Variants in CREBBP observed in about 807,000 individuals in gnomAD.
The protein encoded by CREBBP is CREB-binding protein.
Under a neutral mutation model 265.0 loss-of-function variants are expected in CREBBP, and 19 were observed. That is an observed-to-expected ratio of 0.07 (90% CI 0.05 to 0.11). CREBBP has a LOEUF of 0.11. Among genes scored for constraint, CREBBP ranks in the 10% least tolerant of loss-of-function variants. The pLI, the probability that CREBBP is intolerant of heterozygous loss-of-function variation, is 1.00. For synonymous variants in CREBBP, 1,457 were observed against 1,223.7 expected (o/e 1.19, Z -3.98); for missense variants, 2,525 against 3,219.0 (o/e 0.78, Z 5.22).
At chr16:3,783,999 T>C (rs555597368) in intron 5 of CREBBP, among the ~76,000 whole-genome samples, 11 of 152,350 alleles carry the variant, frequency 7.2e-5, no homozygotes, top group Admixed American at 6.5e-4. Flanking sequence ...AAATTTATCA[T>C]ATGGCAGAAG....
chr16:3,792,590 G>A (rs924565832), intron 4 of CREBBP, among the ~76,000 whole-genome samples: 1 of 152,160 alleles, frequency 6.6e-6, no homozygotes, highest in African/African-American at 2.4e-5. Context: ...TGGTTATTCC[G>A]TCTTCATCTT....
chr16:3,780,104 T>C (rs1420224465), intron 8 of CREBBP, among the ~76,000 whole-genome samples: 2 of 151,222 alleles, frequency 1.3e-5, no homozygotes, highest in East Asian at 3.9e-4. Flanking sequence ...TAGCTGGGGG[T>C]GGTGGCACGT....
At chr16:3,801,216 T>C (rs772274420) in intron 3 of CREBBP, among the ~76,000 whole-genome samples, 11 of 152,154 alleles carry the variant, frequency 7.2e-5, no homozygotes, top group Non-Finnish European at 1.3e-4. Flanking sequence ...CTGACCACCT[T>C]GCATTATAAA....
At chr16:3,738,157 G>A (rs2052115688) in intron 26 of CREBBP, among the ~76,000 whole-genome samples, 1 of 152,038 alleles carries the variant, frequency 6.6e-6, no homozygotes, top group Admixed American at 6.6e-5. Flanking sequence ...CTGACTTCAG[G>A]TGATCCACCG....
In CREBBP at chr16:3,728,435, C is replaced by T. The variant is rs903906594; in HGVS notation, c.6612G>A (p.Gln2204=). 5 of 1,612,196 alleles carry T rather than the reference C, an allele frequency of 3.1e-6. No homozygotes were observed. Among genetic ancestry groups the T allele is most frequent in the South Asian group, 1.1e-5 (1 of 90,926 alleles). Residue 2204 remains glutamine (Q), a synonymous_variant, in exon 31 of 31, where the codon CAG becomes CAA. Coordinates refer to ENST00000262367, the MANE Select transcript of CREBBP (RefSeq NM_004380.3). This position sits in a 1 kb window ranked among gnomAD's most constrained non-coding sequence, Gnocchi z 8.7. The part of the protein sequence containing the change: ...RRQLLQQQQQ[Q]QQQQQQQQQQ... ...GCTGTTGCTGCTGTTGTTGCTGCTG[C>T]TGTTGCTGCTGCTGCTGCAGCAGCT...
At chr16:3,796,760 T>C (rs1216813254) in intron 3 of CREBBP, among the ~76,000 whole-genome samples, 1 of 152,212 alleles carries the variant, frequency 6.6e-6, no homozygotes, top group South Asian at 2.1e-4. Flanking sequence ...GGAAACTATA[T>C]GGCAAATTTA....
intron 2 of CREBBP, among the ~76,000 whole-genome samples, chr16:3,837,695 G>A (rs1352399286): frequency 2.0e-5 from 3 of 151,384 alleles, no homozygotes; most frequent in African/African-American, 4.8e-5. Context: ...GTACAAATAC[G>A]TTTGTACACC....
chr16:3,787,577 G>A (rs1022513537), intron 5 of CREBBP, among the ~76,000 whole-genome samples: 1 of 151,980 alleles, frequency 6.6e-6, no homozygotes, highest in Non-Finnish European at 1.5e-5. Context: ...TGGGCTATTC[G>A]ATGAGTGGCA....
chr16:3,872,298 C>CA (rs1699167990), intron 1 of CREBBP, among the ~76,000 whole-genome samples: 1 of 152,142 alleles, frequency 6.6e-6, no homozygotes, highest in African/African-American at 2.4e-5. Flanking sequence ...CAGCCTTGCC[C>CA]AATTTGATTT....
Position 3,850,293 on chromosome 16 carries a change from T to G in CREBBP, c.798+4A>C. On this transcript the variant is annotated splice_donor_region_variant and intron_variant, in intron 2 of 30. Coordinates refer to ENST00000262367, the MANE Select transcript of CREBBP (RefSeq NM_004380.3). ...AAGTATTGAAAGTGCTTCAGTTCAC[T>G]TACCTTGGCCATGCCTCCTGCCTGT... 6.2e-7 allele frequency: 1 copy of G among 1,614,216 alleles called. No individual in the cohort carries two copies. Among genetic ancestry groups the G allele is most frequent in the Non-Finnish European group, 8.5e-7 (1 of 1,180,024 alleles).
rs115884862 is a variant in CREBBP, at chr16:3,797,660, T to C, written c.976-4034A>G. 9.3e-3 allele frequency among the ~76,000 whole-genome samples: 1,412 copies of C among 152,158 alleles called. 27 individuals are homozygous for C. Among genetic ancestry groups the C allele is most frequent in the African/African-American group, 0.032 (1,344 of 41,476 alleles). On this transcript the variant is annotated intron_variant, in intron 3 of 30. Coordinates refer to ENST00000262367, the MANE Select transcript of CREBBP (RefSeq NM_004380.3). ...CACTCACTTATTTTGTGATTGCTGGTAAGTGAAACCCCAGAAAGTGAAACC... is the reference window on the plus strand; with the variant it reads ...CACTCACTTATTTTGTGATTGCTGGCAAGTGAAACCCCAGAAAGTGAAACC...
intron 2 of CREBBP, among the ~76,000 whole-genome samples, chr16:3,849,337 G>A (rs1567359718): frequency 6.6e-6 from 1 of 151,296 alleles, no homozygotes; most frequent in Non-Finnish European, 1.5e-5. Context: ...GCTGGTGGCT[G>A]CAAATCCCAG....
chr16:3,793,681 A>G, intron 3 of CREBBP, 55 bp from the exon 4 acceptor site: 2 of 1,580,806 alleles, frequency 1.3e-6, no homozygotes, highest in Non-Finnish European at 1.7e-6. Context: ...TCCAAGTCAT[A>G]TTCATTAATT....
rs142823437 is a variant in CREBBP at position 3,725,444 on chromosome 16, G to C, written c.*2274C>G. On this transcript the variant is annotated 3_prime_UTR_variant, in exon 31 of 31. Transcript: ENST00000262367. ...GTGTGGGCTTAGAGCTGCTGCTCTC[G>C]GGCTCTAGCCCCACTTCTTGTTTGA... The C allele has an allele frequency of 3.0e-5, 7 of 233,070 alleles. No individual in the cohort carries two copies. Among genetic ancestry groups the C allele is most frequent in the African/African-American group, 1.3e-4 (6 of 45,326 alleles). 14.4% of individuals were successfully genotyped at this position (233,070 alleles called of 1,614,324 possible). A position where few individuals can be genotyped will look rare whatever the true frequency, so the allele number is the denominator to read the frequency against.
rs372776924 is a variant in CREBBP at position 3,879,931 on chromosome 16, G to C, written c.-15C>G. 4 of 1,609,320 alleles carry C rather than the reference G, an allele frequency of 2.5e-6. No individual in the cohort carries two copies. In the African/African-American group the frequency reaches 5.3e-5, roughly 22 times the overall value. ...TTCTCAGCCATTTTCACCTGCTCGC[G>C]AAAACAGCCCCGGGCACGGGCGGCC... is the stretch of plus-strand genomic sequence containing the variant. On this transcript the variant is annotated 5_prime_UTR_variant, in exon 1 of 31. Transcript: ENST00000262367.
intron 1 of CREBBP, among the ~76,000 whole-genome samples, chr16:3,864,887 C>T (rs1042755168): frequency 6.6e-6 from 1 of 152,170 alleles, no homozygotes; most frequent in African/African-American, 2.4e-5. Flanking sequence ...GCCAACATGG[C>T]AAAACCCCTC....
chr16:3,741,264 T>C (rs1490038456), intron 23 of CREBBP: 1 of 153,520 alleles, frequency 6.5e-6, no homozygotes, highest in East Asian at 1.9e-4. Flanking sequence ...GTTAAAAAAC[T>C]ATAAGGGAAA....
chr16:3,742,388 A>G (rs1232602240), intron 23 of CREBBP: 1 of 152,228 alleles, frequency 6.6e-6, no homozygotes, highest in Non-Finnish European at 1.5e-5. Flanking sequence ...GCATATGTGC[A>G]AATATTTTTA....
intron 3 of CREBBP, among the ~76,000 whole-genome samples, chr16:3,809,803 A>G (rs2053900827): frequency 6.6e-6 from 1 of 152,124 alleles, no homozygotes; most frequent in Admixed American, 6.5e-5. Context: ...TCTGAACATA[A>G]TCCTCTCACT....
Sources: allele counts gnomAD v4.1 joint callset (sites outside exome capture counted in the v4.1 genomes callset), GRCh38; gene constraint gnomAD v4.1.1; non-coding constraint Gnocchi (gnomAD v3.1); transcripts MANE v1.5; gene names NCBI Gene and HGNC (gene_info 2026-07-23, HGNC 2026-07-21).